NCK1: variants seen among roughly 807,000 people sequenced by gnomAD.
The protein encoded by NCK1 is SH2/SH3 adapter protein NCK1.
Under a neutral mutation model 36.6 loss-of-function variants are expected in NCK1, and 19 were observed. The observed-to-expected ratio is 0.52, with a 90% CI of 0.36 to 0.76. The LOEUF (loss-of-function observed/expected upper bound fraction) is 0.76, where lower values mean the gene tolerates loss of function less well. NCK1 is among the 30% of genes least tolerant of loss of function. The pLI, the probability that NCK1 is intolerant of heterozygous loss-of-function variation, is 0.00. For synonymous variants in NCK1, 165 were observed against 156.0 expected (o/e 1.06, Z -0.43); for missense variants, 358 against 445.6 (o/e 0.80, Z 1.77).
chr3:136,910,838 G>A (rs1313568253), intron 1 of NCK1, among the ~76,000 whole-genome samples: 1 of 151,980 alleles, frequency 6.6e-6, no homozygotes, highest in Non-Finnish European at 1.5e-5. Flanking sequence ...CATTAATACT[G>A]ACTGGAATCA....
chr3:136,873,798 A>G (rs989843500), intron 1 of NCK1, among the ~76,000 whole-genome samples: 7 of 152,152 alleles, frequency 4.6e-5, no homozygotes, highest in Non-Finnish European at 1.0e-4. Flanking sequence ...GTTTCCCTGC[A>G]CAAGCTCTCT....
chr3:136,906,208 G>A (rs1421968386), intron 1 of NCK1, among the ~76,000 whole-genome samples: 1 of 152,164 alleles, frequency 6.6e-6, no homozygotes, highest in Non-Finnish European at 1.5e-5. Flanking sequence ...TGTCAGTGGT[G>A]TCTGTGATTT....
intron 2 of NCK1, among the ~76,000 whole-genome samples, chr3:136,943,908 A>G (rs781466652): frequency 1.3e-5 from 2 of 152,158 alleles, no homozygotes; most frequent in Non-Finnish European, 2.9e-5. Context: ...GTGGGCTGTG[A>G]TCTTGGTTGC....
intron 1 of NCK1, among the ~76,000 whole-genome samples, chr3:136,915,296 G>A (rs184641337): frequency 2.0e-5 from 3 of 152,272 alleles, no homozygotes; most frequent in Admixed American, 2.0e-4. Flanking sequence ...GTCTGTGGGG[G>A]GTTGACGTAG....
At chr3:136,926,462 A>G (rs879446975) in intron 1 of NCK1, among the ~76,000 whole-genome samples, 47 of 151,946 alleles carry the variant, frequency 3.1e-4, no homozygotes, top group African/African-American at 8.7e-4. Flanking sequence ...TTTTTAGTAG[A>G]GACAGGGTTT....
At chr3:136,944,032 G>C (rs1437831771) in intron 2 of NCK1, among the ~76,000 whole-genome samples, 1 of 150,562 alleles carries the variant, frequency 6.6e-6, no homozygotes, top group Non-Finnish European at 1.5e-5. Context: ...AGTTTTGTTA[G>C]AATGTTGGAG....
At chr3:136,918,197 A>G (rs1009108173) in intron 1 of NCK1, among the ~76,000 whole-genome samples, 5 of 152,184 alleles carry the variant, frequency 3.3e-5, no homozygotes, top group Non-Finnish European at 5.9e-5. Context: ...TTCTTCTGAT[A>G]TTCTTTATAG....
chr3:136,867,243 CCG>C (rs1938475858), intron 1 of NCK1, among the ~76,000 whole-genome samples: 1 of 70,782 alleles, frequency 1.4e-5, no homozygotes, highest in Non-Finnish European at 3.3e-5. Context: ...ATCCGTCTGT[CCG>C]TCCGTCTGTC....
At chr3:136,894,297 G>T (rs900708159) in intron 1 of NCK1, among the ~76,000 whole-genome samples, 25 of 152,158 alleles carry the variant, frequency 1.6e-4, no homozygotes, top group African/African-American at 5.6e-4. Context: ...TACTGGGAGT[G>T]ATGGTGAAGA....
At chr3:136,945,472 C>CTT in intron 2 of NCK1, 111 bp from the exon 3 acceptor site, 1 of 694,568 alleles carries the variant, frequency 1.4e-6, no homozygotes, top group Non-Finnish European at 2.2e-6. Context: ...TATTTAAAAG[C>CTT]TTTAAAGATC....
intron 1 of NCK1, among the ~76,000 whole-genome samples, chr3:136,864,226 C>T (rs1938343472): frequency 6.6e-6 from 1 of 152,078 alleles, no homozygotes; most frequent in African/African-American, 2.4e-5. Flanking sequence ...GGCTCGGTGG[C>T]TCACGCCTGT....
At chr3:136,919,744 T>C (rs1940058131) in intron 1 of NCK1, among the ~76,000 whole-genome samples, 1 of 152,144 alleles carries the variant, frequency 6.6e-6, no homozygotes, top group Non-Finnish European at 1.5e-5. Flanking sequence ...TGAGGAAGGG[T>C]ACTGTTGGCT....
At chr3:136,874,711 G>GTT (rs1309827914) in intron 1 of NCK1, among the ~76,000 whole-genome samples, 2 of 151,898 alleles carry the variant, frequency 1.3e-5, no homozygotes, top group Admixed American at 6.6e-5. Context: ...ATCATATAGT[G>GTT]TTTTTGTTTG....
chr3:136,863,361 G>A (rs1938303953), intron 1 of NCK1, among the ~76,000 whole-genome samples: 1 of 152,226 alleles, frequency 6.6e-6, no homozygotes, highest in Non-Finnish European at 1.5e-5. Context: ...GGAAACCAGT[G>A]TGCCTAGACT....
intron 2 of NCK1, chr3:136,928,496 T>C (rs1168871736): frequency 5.1e-6 from 2 of 395,890 alleles, no homozygotes; most frequent in Admixed American, 8.4e-5. Flanking sequence ...CAGGGGCTTT[T>C]TGAACCATGA....
chr3:136,925,109 C>T (rs1012572697), intron 1 of NCK1, among the ~76,000 whole-genome samples: 1 of 152,108 alleles, frequency 6.6e-6, no homozygotes, highest in African/African-American at 2.4e-5. Flanking sequence ...AATTATAAAA[C>T]TTAAAAGCAT....
intron 1 of NCK1, among the ~76,000 whole-genome samples, chr3:136,872,983 G>T (rs1576942437): frequency 6.6e-6 from 1 of 152,228 alleles, no homozygotes; most frequent in African/African-American, 2.4e-5. Flanking sequence ...GAGAACCTCT[G>T]CTAGGGCAGT....
At chr3:136,891,321 A>G (rs1939238511) in intron 1 of NCK1, among the ~76,000 whole-genome samples, 1 of 152,060 alleles carries the variant, frequency 6.6e-6, no homozygotes, top group Admixed American at 6.6e-5. Flanking sequence ...TTTAATAGAG[A>G]TGGGGGTTTC....
intron 1 of NCK1, among the ~76,000 whole-genome samples, chr3:136,920,340 A>G (rs1162021449): frequency 1.3e-5 from 2 of 152,166 alleles, no homozygotes; most frequent in Non-Finnish European, 2.9e-5. Context: ...CCAATATGAG[A>G]AGGCACAAAA....
Sources: gnomAD v4.1 joint callset for allele counts (sites outside exome capture counted in the v4.1 genomes callset) on GRCh38, gnomAD v4.1.1 for gene constraint, MANE v1.5 for transcripts, NCBI Gene and HGNC (gene_info 2026-07-23, HGNC 2026-07-21) for gene names.